Variants in AAK1 observed in about 807,000 individuals in gnomAD.
The protein encoded by AAK1 is AP2-associated protein kinase 1.
AAK1 carries 37 observed loss-of-function variants against 116.0 expected under a neutral mutation model. The ratio of observed to expected loss-of-function variants is 0.32; its 90% CI spans 0.25 to 0.42. The LOEUF (loss-of-function observed/expected upper bound fraction) is 0.42, where lower values mean the gene tolerates loss of function less well. Among genes scored for constraint, AAK1 ranks in the 10% least tolerant of loss-of-function variants. AAK1 has a pLI of 1.00. For synonymous variants in AAK1, 458 were observed against 439.9 expected (o/e 1.04, Z -0.51); for missense variants, 919 against 1,170.6 (o/e 0.79, Z 3.14).
chr2:69,629,163 A>G (rs1012584203), intron 2 of AAK1, among the ~76,000 whole-genome samples: 2 of 152,314 alleles, frequency 1.3e-5, no homozygotes, highest in East Asian at 3.9e-4. Flanking sequence ...GAGCCAATCT[A>G]TGCATTTTCA....
chr2:69,487,703 T>C lies in AAK1; in HGVS notation c.2366-4891A>G, dbSNP rs1034172045. Reference sequence around the variant, plus strand: ...TATTTTAGTAATGATTTAATCTTCCTATGAAATGTTTGTGAAAAGCAATTG... The same window carrying C: ...TATTTTAGTAATGATTTAATCTTCCCATGAAATGTTTGTGAAAAGCAATTG... On this transcript the variant is annotated intron_variant, in intron 17 of 21. Transcript: ENST00000409085. Among the ~76,000 whole-genome samples, 4 of 152,068 alleles carry C rather than the reference T, an allele frequency of 2.6e-5. No individual in the cohort carries two copies. The South Asian group carries it at 8.3e-4, about 31-fold the overall frequency.
Position 69,522,204 on chromosome 2 carries a change from G to T in AAK1, c.1056-1216C>A, listed in dbSNP as rs72895317. ...CTCCACTTTACAGAGTATAACTGAG[G>T]TTAGGCCAAAATTAATAAGTTTCAA... On this transcript the variant is annotated intron_variant, in intron 10 of 21. Coordinates refer to ENST00000409085, the MANE Select transcript of AAK1 (RefSeq NM_014911.5). Among the ~76,000 whole-genome samples, 515 of 152,276 alleles carry T rather than the reference G, an allele frequency of 3.4e-3. 4 individuals carry two copies. The highest frequency in any genetic ancestry group is 0.012 in the African/African-American group (492 of 41,540).
At chr2:69,605,809 C>G (rs1461151264) in intron 2 of AAK1, among the ~76,000 whole-genome samples, 2 of 152,214 alleles carry the variant, frequency 1.3e-5, no homozygotes, top group African/African-American at 2.4e-5. Flanking sequence ...TACCTTCCCC[C>G]TGCCCCCACA....
At chr2:69,622,104 G>T (rs546798408) in intron 2 of AAK1, among the ~76,000 whole-genome samples, 1 of 152,238 alleles carries the variant, frequency 6.6e-6, no homozygotes, top group African/African-American at 2.4e-5. Flanking sequence ...GGCGGGAACC[G>T]GGGCTGCGCA....
intron 2 of AAK1, among the ~76,000 whole-genome samples, chr2:69,590,226 T>C (rs1407697071): frequency 2.0e-5 from 3 of 152,228 alleles, no homozygotes; most frequent in African/African-American, 7.2e-5. Flanking sequence ...GTCACTTCAG[T>C]ACATATCAGA....
intron 2 of AAK1, among the ~76,000 whole-genome samples, chr2:69,619,864 C>T (rs1674512203): frequency 6.6e-6 from 1 of 152,054 alleles, no homozygotes. Flanking sequence ...AGAGCAATAA[C>T]CAGAGGAGAA....
chr2:69,561,472 C>G (rs78275572), intron 2 of AAK1, among the ~76,000 whole-genome samples: 4,534 of 152,220 alleles, frequency 0.03, 231 homozygotes, highest in African/African-American at 0.1. Flanking sequence ...AGGCGAGCAA[C>G]CTATCATATT....
intron 1 of AAK1, 75 bp from the exon 2 acceptor site, chr2:69,643,349 A>C: frequency 8.2e-7 from 1 of 1,218,546 alleles, no homozygotes; most frequent in Non-Finnish European, 1.0e-6. Context: ...TCCTAGGGGG[A>C]GCAAAAGCCA....
chr2:69,634,809 T>C (rs772718612), intron 2 of AAK1, among the ~76,000 whole-genome samples: 3 of 151,732 alleles, frequency 2.0e-5, no homozygotes, highest in Non-Finnish European at 2.9e-5. Context: ...TTTACCTATG[T>C]TCTAGTTTTC....
chr2:69,512,408 T>C (rs1572910024), intron 13 of AAK1, among the ~76,000 whole-genome samples: 1 of 152,348 alleles, frequency 6.6e-6, no homozygotes, highest in Non-Finnish European at 1.5e-5. Context: ...TTTCTTTTCA[T>C]ACTGTTGTAC....
rs1285582135 is a variant in AAK1 at position 69,509,573 on chromosome 2, T to G, written c.1777-113A>C. ...AAAAAATGCCACATAAGCACTAACA[T>G]GAAACTCACATGGCTAAGTTTATCA... On this transcript the variant is annotated intron_variant, in intron 13 of 21. Coordinates refer to ENST00000409085, the MANE Select transcript of AAK1 (RefSeq NM_014911.5). 3.5e-6 allele frequency: 3 copies of G among 850,562 alleles called. No individual in the cohort carries two copies. In the African/African-American group the frequency reaches 5.2e-5, roughly 15 times the overall value. The allele number at this position is 850,562 out of a possible 1,614,324, so 52.7% of individuals were successfully genotyped here. A position where few individuals can be genotyped will look rare whatever the true frequency, so the allele number is the denominator to read the frequency against.
chr2:69,498,663 G>C (rs889290759), intron 16 of AAK1, among the ~76,000 whole-genome samples: 26 of 152,230 alleles, frequency 1.7e-4, no homozygotes, highest in Non-Finnish European at 2.4e-4. Flanking sequence ...GATATAGTCT[G>C]AGATGCATGA....
chr2:69,515,477 T>C (rs1676545251), intron 12 of AAK1, among the ~76,000 whole-genome samples: 1 of 151,980 alleles, frequency 6.6e-6, no homozygotes, highest in Non-Finnish European at 1.5e-5. Flanking sequence ...AGGTGCACAC[T>C]ACCATGCCTG....
chr2:69,586,793 T>C (rs1672786398), intron 2 of AAK1, among the ~76,000 whole-genome samples: 1 of 152,160 alleles, frequency 6.6e-6, no homozygotes, highest in African/African-American at 2.4e-5. Context: ...AGAATCACCT[T>C]GGAAGTTTTT....
Position 69,505,776 on chromosome 2 carries a change from A to T in AAK1, c.2165-103T>A, listed in dbSNP as rs547380207. On this transcript the variant is annotated intron_variant, in intron 15 of 21. Coordinates refer to ENST00000409085, the MANE Select transcript of AAK1 (RefSeq NM_014911.5). ...TTCTCTGAACTGACTTCTGGACTTG[A>T]CTACTTTTACTGCATTATGGCGACA... 9 of 716,666 alleles carry T rather than the reference A, an allele frequency of 1.3e-5. No individual in the cohort carries two copies. The Admixed American group carries it at 1.3e-4, about 10-fold the overall frequency. The allele number at this position is 716,666 out of a possible 1,614,324, so 44.4% of individuals were successfully genotyped here.
intron 2 of AAK1, among the ~76,000 whole-genome samples, chr2:69,583,769 G>T (rs1481461684): frequency 6.6e-6 from 1 of 152,114 alleles, no homozygotes. Flanking sequence ...CTCACTAGGT[G>T]CCATGAGCAT....
chr2:69,466,585 G>C lies in AAK1; in HGVS notation c.*9284C>G. ...GCATAAAATGCAGAATTAATGTGTA[G>C]GTCAATTCAACTCTATTTGGAACAT... On this transcript the variant is annotated 3_prime_UTR_variant, in exon 22 of 22. Transcript: ENST00000409085. The C allele has an allele frequency of 8.6e-7, 1 of 1,157,012 alleles. No individual in the cohort carries two copies. The highest frequency in any genetic ancestry group is 1.8e-5 in the South Asian group (1 of 56,972). 71.7% of individuals were successfully genotyped at this position (1,157,012 alleles called of 1,614,324 possible). A position where few individuals can be genotyped will look rare whatever the true frequency, so the allele number is the denominator to read the frequency against.
At position 69,460,856 on chromosome 2, in the gene AAK1, A is replaced by G. The variant is rs973969863; in HGVS notation, c.*15013T>C. 1.3e-5 allele frequency: 2 copies of G among 152,196 alleles called. No individual in the cohort carries two copies. The highest frequency in any genetic ancestry group is 2.4e-5 in the African/African-American group (1 of 41,444). 9.4% of individuals were successfully genotyped at this position (152,196 alleles called of 1,614,324 possible). ...TTCATTCAGTACTGCCTGTTAGTCA[A>G]TTACTGTGGATTCTTTCAGGGTTCA... On this transcript the variant is annotated 3_prime_UTR_variant, in exon 22 of 22. Transcript: ENST00000409085.
At chr2:69,480,542 G>A (rs1488049537) in intron 19 of AAK1, among the ~76,000 whole-genome samples, 10 of 152,126 alleles carry the variant, frequency 6.6e-5, no homozygotes, top group South Asian at 2.1e-4. Context: ...CTTACAGCTC[G>A]GCAGAGTTCT....
Sources: gnomAD v4.1 joint callset for allele counts (sites outside exome capture counted in the v4.1 genomes callset) on GRCh38, gnomAD v4.1.1 for gene constraint, MANE v1.5 for transcripts, NCBI Gene and HGNC (gene_info 2026-07-23, HGNC 2026-07-21) for gene names.